Variants in THADA observed in about 807,000 individuals in gnomAD.
THADA encodes THADA armadillo repeat containing.
Under a neutral mutation model 219.8 loss-of-function variants are expected in THADA, and 213 were observed. The observed-to-expected ratio is 0.97, with a 90% confidence interval of 0.87 to 1.09. The LOEUF is 1.09. THADA is among the 50% of genes least tolerant of loss of function. The pLI, the probability that THADA is intolerant of heterozygous loss-of-function variation, is 0.00. For synonymous variants in THADA, 1,018 were observed against 828.9 expected, an observed-to-expected ratio of 1.23 and a Z score of -3.92; for missense variants, 2,956 against 2,311.3, an observed-to-expected ratio of 1.28 and a Z score of -5.72.
intron 25 of THADA, among the ~76,000 whole-genome samples, chr2:43,489,841 T>A (rs938283288): frequency 4.4e-5 from 6 of 136,302 alleles, no homozygotes; most frequent in Non-Finnish European, 9.2e-5. Flanking sequence ...CTATTATGGG[T>A]CCCTCACATT....
At chr2:43,415,661 A>G (rs984333544) in intron 28 of THADA, among the ~76,000 whole-genome samples, 6 of 152,072 alleles carry the variant, frequency 3.9e-5, no homozygotes, top group Non-Finnish European at 7.4e-5. Context: ...CTTCTGTGCC[A>G]GATCATGGAT....
Position 43,430,226 on chromosome 2 carries a change from T to C in THADA, c.3913A>G (p.Asn1305Asp), listed in dbSNP as rs1679059505. The change falls in exon 27 of 38, where the codon AAT becomes GAT. Residue 1305 changes from asparagine (N) to aspartate (D), a missense_variant. Coordinates refer to ENST00000405975, the MANE Select transcript of THADA (RefSeq NM_022065.5). ...FLLKQLETVA[N>D]TVDSDMGEPN... ...TTCTCTTCTTACCTGTCTACTGTAT[T>C]GGCTACAGTTTCCAACTGTTTGAGA... 2.6e-6 allele frequency: 4 copies of C among 1,539,532 alleles called. No homozygotes were observed. The East Asian group carries it at 9.6e-5, about 37-fold the overall frequency.
chr2:43,483,720 T>A (rs1452946702), intron 26 of THADA, among the ~76,000 whole-genome samples: 2 of 151,962 alleles, frequency 1.3e-5, no homozygotes, highest in African/African-American at 4.8e-5. Flanking sequence ...TGAGGTTTTC[T>A]CATTTTCTGA....
chr2:43,525,835 C>A (rs958190162), intron 22 of THADA, among the ~76,000 whole-genome samples: 1 of 152,178 alleles, frequency 6.6e-6, no homozygotes, highest in Non-Finnish European at 1.5e-5. Flanking sequence ...CAAAAGTTAA[C>A]TAAAACCCCA....
At chr2:43,386,095 T>G (rs1224562944) in intron 29 of THADA, among the ~76,000 whole-genome samples, 1 of 151,960 alleles carries the variant, frequency 6.6e-6, no homozygotes, top group Non-Finnish European at 1.5e-5. Flanking sequence ...CCTCAACAAC[T>G]GCTTCAGAGT....
At chr2:43,506,897 T>C (rs1689742165) in intron 23 of THADA, among the ~76,000 whole-genome samples, 1 of 152,178 alleles carries the variant, frequency 6.6e-6, no homozygotes, top group Non-Finnish European at 1.5e-5. Flanking sequence ...AATAAAGACA[T>C]ACAAAAAATA....
intron 29 of THADA, among the ~76,000 whole-genome samples, chr2:43,362,453 G>A (rs1268778041): frequency 6.6e-6 from 1 of 152,068 alleles, no homozygotes; most frequent in African/African-American, 2.4e-5. Context: ...TAACACAATG[G>A]TAAGTATTTG....
At position 43,590,880 on chromosome 2, in the gene THADA, T is replaced by C. The variant is rs1315362495; in HGVS notation, c.246A>G (p.Leu82=). Residue 82 remains leucine (L), a synonymous_variant, in exon 4 of 38, where the codon TTA becomes TTG. Coordinates refer to ENST00000405975, the MANE Select transcript of THADA (RefSeq NM_022065.5). ...GACTCAAAGAAAGATAAATGCCTGC[T>C]AAGATATCCAAACAACTTTGAATAG... is the stretch of plus-strand genomic sequence containing the variant. ...DPTIQSCLDI[L]AGIYLSLSLK... 1 of 1,613,880 alleles carries C rather than the reference T, an allele frequency of 6.2e-7. No individual in the cohort carries two copies. Among genetic ancestry groups the C allele is most frequent in the Non-Finnish European group, 8.5e-7 (1 of 1,179,834 alleles).
chr2:43,591,703 A>C (rs1030776849), intron 3 of THADA, among the ~76,000 whole-genome samples: 1 of 151,690 alleles, frequency 6.6e-6, no homozygotes, highest in African/African-American at 2.4e-5. Flanking sequence ...ATCTCCACAA[A>C]AGAGGTATGC....
chr2:43,291,924 G>A lies in THADA; in HGVS notation c.4938-156C>T, dbSNP rs1469532575. 3.9e-6 allele frequency: 3 copies of A among 771,236 alleles called. No homozygotes were observed. In the African/African-American group the frequency reaches 5.3e-5, roughly 14 times the overall value. The allele number at this position is 771,236 out of a possible 1,614,324, so 47.8% of individuals were successfully genotyped here. A position where few individuals can be genotyped will look rare whatever the true frequency, so the allele number is the denominator to read the frequency against. ...ATGCCTCCGGAAGCAATTACCTTTT[G>A]GTTATTAATGCAAATCACTGACATC... On this transcript the variant is annotated intron_variant, in intron 33 of 37. Coordinates refer to ENST00000405975, the MANE Select transcript of THADA (RefSeq NM_022065.5).
chr2:43,336,140 G>T (rs1666401689), intron 30 of THADA, among the ~76,000 whole-genome samples: 1 of 151,884 alleles, frequency 6.6e-6, no homozygotes, highest in African/African-American at 2.4e-5. Context: ...CACACCTATA[G>T]TCTCAGTTAC....
intron 29 of THADA, among the ~76,000 whole-genome samples, chr2:43,375,875 G>A (rs141127023): frequency 1.3e-5 from 2 of 152,206 alleles, no homozygotes; most frequent in Non-Finnish European, 2.9e-5. Flanking sequence ...TCCAAGAAAA[G>A]GAATAAAACA....
intron 20 of THADA, among the ~76,000 whole-genome samples, chr2:43,542,923 T>C (rs2103825139): frequency 6.6e-6 from 1 of 152,162 alleles, no homozygotes; most frequent in African/African-American, 2.4e-5. Flanking sequence ...ATGTGCAGGT[T>C]AGTTACATAT....
intron 35 of THADA, among the ~76,000 whole-genome samples, chr2:43,283,464 G>GACTT (rs1224250661): frequency 7.2e-5 from 11 of 152,236 alleles, no homozygotes; most frequent in Non-Finnish European, 2.9e-5. Flanking sequence ...ACTTCCTATA[G>GACTT]ACTTGTTGAA....
In THADA at chr2:43,574,635, A is replaced by G. The variant is rs780053672; in HGVS notation, c.1430T>C (p.Ile477Thr). ...CATCACCTCTAAGATTTGAGATGGA[A>G]TAGTTTTATCTATAGCCAAAATATG... ...VEHILAIDKTIPSQILEVMGD... is the reference protein window; with the variant it reads ...VEHILAIDKTTPSQILEVMGD... Residue 477 changes from isoleucine (I) to threonine (T), a missense_variant, in exon 11 of 38, where the codon ATT (isoleucine) becomes ACT (threonine). Coordinates refer to ENST00000405975, the MANE Select transcript of THADA (RefSeq NM_022065.5). 6.2e-7 allele frequency: 1 copy of G among 1,614,008 alleles called. No individual in the cohort carries two copies. Among genetic ancestry groups the G allele is most frequent in the South Asian group, 1.1e-5 (1 of 91,082 alleles).
chr2:43,363,435 T>A (rs1481309176), intron 29 of THADA, among the ~76,000 whole-genome samples: 1 of 152,164 alleles, frequency 6.6e-6, no homozygotes, highest in African/African-American at 2.4e-5. Flanking sequence ...TTAATCCCAA[T>A]CTTCTTGAAA....
intron 35 of THADA, among the ~76,000 whole-genome samples, chr2:43,282,253 C>T (rs112093792): frequency 5.3e-5 from 8 of 152,236 alleles, no homozygotes; most frequent in Middle Eastern, 3.4e-3. Flanking sequence ...CTTATTCCTT[C>T]GGGTCTCATG....
At chr2:43,240,242 G>T (rs1668478731) in intron 36 of THADA, among the ~76,000 whole-genome samples, 1 of 152,210 alleles carries the variant, frequency 6.6e-6, no homozygotes, top group Non-Finnish European at 1.5e-5. Flanking sequence ...CTGGAGGCGA[G>T]GCCAGGCAGG....
intron 29 of THADA, among the ~76,000 whole-genome samples, chr2:43,346,086 G>A (rs898691349): frequency 6.6e-6 from 1 of 152,048 alleles, no homozygotes; most frequent in African/African-American, 2.4e-5. Context: ...CAGGTACGCT[G>A]AAAAGAACTG....
Sources: gnomAD v4.1 joint callset for allele counts (sites outside exome capture counted in the v4.1 genomes callset) on GRCh38, gnomAD v4.1.1 for gene constraint, MANE v1.5 for transcripts, NCBI Gene and HGNC (gene_info 2026-07-23, HGNC 2026-07-21) for gene names.